The following PGGHG variants were observed in gnomAD, a reference collection of about 807,000 sequenced individuals.
PGGHG encodes ATH1, acid trehalase-like 1.
In PGGHG, 67 loss-of-function variants were observed where a neutral mutation model predicts 74.5. The observed-to-expected ratio is 0.90, with a 90% CI of 0.74 to 1.10. The LOEUF (loss-of-function observed/expected upper bound fraction) is 1.10, where lower values mean the gene tolerates loss of function less well. PGGHG is among the 50% of genes least tolerant of loss of function. The pLI is 0.00. For missense variants in PGGHG, 1,034 were observed against 981.5 expected (o/e 1.05, Z -0.72); for synonymous variants, 496 against 419.9 (o/e 1.18, Z -2.21).
chr11:293,933 TG>T lies in PGGHG; in HGVS notation c.1710+10del, dbSNP rs1564842464. 6.2e-7 allele frequency: 1 copy of T among 1,608,364 alleles called. No homozygotes were observed. The highest frequency in any genetic ancestry group is 1.1e-5 in the South Asian group (1 of 90,578). ...ATGGCTGAACCCTTCAAGGTCAGCCTGGCCACACCTGCCTCCCACTGGGCCC... is the reference window on the plus strand; with the variant it reads ...ATGGCTGAACCCTTCAAGGTCAGCCTGCCACACCTGCCTCCCACTGGGCCC... On this transcript the variant is annotated intron_variant, in intron 11 of 13. Transcript: ENST00000409548.
In PGGHG at chr11:293,661, T is replaced by A; in HGVS notation, c.1548T>A (p.Asp516Glu). The part of the protein sequence containing the change: ...GYPVPFSLSP[D>E]VRRKNLEIYE... ...CAGTCCCCTTCTCCCTGAGTCCTGA[T>A]GTTCGCAGGAAAAATCTGGAGATTT... Residue 516 changes from aspartate to glutamate, a missense_variant, in exon 10 of 14, where the codon GAT (aspartate) becomes GAA (glutamate). Physicochemically the swap from Asp to Glu is conservative, Grantham distance 45. Transcript: ENST00000409548. 6.2e-7 allele frequency: 1 copy of A among 1,613,402 alleles called. No homozygotes were observed. The highest frequency in any genetic ancestry group is 8.5e-7 in the Non-Finnish European group (1 of 1,179,964).
intron 7 of PGGHG, 44 bp downstream of exon 7, chr11:293,041 C>G (rs780628796): frequency 6.2e-7 from 1 of 1,613,822 alleles, no homozygotes; most frequent in South Asian, 1.1e-5. Context: ...AGGGTGGATG[C>G]TCCCAGACTC....
Position 294,151 on chromosome 11 carries a change from T to C in PGGHG, c.1763T>C (p.Met588Thr). Reference sequence around the variant, plus strand: ...GGCGCTGTGAACTTCCTGACAGGCATGGGGGGCTTCCTGCAGGCGGTGGTC... The same window carrying C: ...GGCGCTGTGAACTTCCTGACAGGCACGGGGGGCTTCCTGCAGGCGGTGGTC... The part of the protein sequence containing the change: ...GSGAVNFLTG[M>T]GGFLQAVVFG... The change falls in exon 12 of 14, where the codon ATG (methionine) becomes ACG (threonine). Residue 588 changes from methionine to threonine, a missense_variant. Physicochemically the swap from Met to Thr is moderately conservative, Grantham distance 81 (BLOSUM62 -1). Transcript: ENST00000409548. 1 of 1,612,760 alleles carries C rather than the reference T, an allele frequency of 6.2e-7. No individual in the cohort carries two copies. Among genetic ancestry groups the C allele is most frequent in the Non-Finnish European group, 8.5e-7 (1 of 1,179,454 alleles).
chr11:290,684 G>A lies in PGGHG; in HGVS notation c.477G>A (p.Leu159=), dbSNP rs779611436. ...QGPDFQGARY[L]YGHTLTPEQP... ...CATGGCCACGCTCTCACAGGTACCT[G>A]TATGGCCACACCCTCACCCCTGAGC... Residue 159 remains leucine, a synonymous_variant, in exon 4 of 14, where the codon CTG becomes CTA. Coordinates refer to ENST00000409548, the MANE Select transcript of PGGHG (RefSeq NM_025092.5). The A allele has an allele frequency of 5.6e-6, 9 of 1,606,888 alleles. No homozygotes were observed. In the Admixed American group the frequency reaches 1.2e-4, roughly 21 times the overall value.
chr11:292,260 G>A (rs1000922085), intron 5 of PGGHG, among the ~76,000 whole-genome samples, 165 bp downstream of exon 5: 2 of 151,864 alleles, frequency 1.3e-5, no homozygotes, highest in Admixed American at 6.6e-5. Context: ...CCTGCAGCCC[G>A]CACCTGAGAG....
rs534848818 is a variant in PGGHG, at chr11:290,457, G to A, written c.327G>A (p.Thr109=). ...CCCAGTGCATCTATGCGCATCGCACGCTGCCCCACGTGCTGGCTTTCCGAG... is the reference window on the plus strand; with the variant it reads ...CCCAGTGCATCTATGCGCATCGCACACTGCCCCACGTGCTGGCTTTCCGAG... The part of the protein sequence containing the change: ...RASQCIYAHR[T]LPHVLAFRVS... The change falls in exon 3 of 14, where the codon ACG becomes ACA. Residue 109 remains threonine (T), a synonymous_variant. Coordinates refer to ENST00000409548, the MANE Select transcript of PGGHG (RefSeq NM_025092.5). 173 of 1,549,632 alleles carry A rather than the reference G, an allele frequency of 1.1e-4. 2 individuals are homozygous for A. Among genetic ancestry groups the A allele is most frequent in the South Asian group, 9.0e-4 (76 of 84,042 alleles).
rs938748559 is a variant in PGGHG at position 294,963 on chromosome 11, A to C, written c.*214A>C. The C allele has an allele frequency of 2.2e-5, 12 of 536,088 alleles. No homozygotes were observed. The highest frequency in any genetic ancestry group is 3.5e-5 in the Non-Finnish European group (11 of 310,712). 33.2% of individuals were successfully genotyped at this position (536,088 alleles called of 1,614,324 possible). ...CAGGTGGCTTCCCCGTGGCATCTCC[A>C]CACCGCCTCTGCCTGCCCCTGTGGA... On this transcript the variant is annotated 3_prime_UTR_variant, in exon 14 of 14. Transcript: ENST00000409548.
rs570813766 is a variant in PGGHG at position 294,378 on chromosome 11, G to C, written c.1920G>C (p.Glu640Asp). Residue 640 changes from glutamate to aspartate, a missense_variant, in exon 13 of 14, where the codon GAG (glutamate) becomes GAC (aspartate). Coordinates refer to ENST00000409548, the MANE Select transcript of PGGHG (RefSeq NM_025092.5). Reference sequence around the variant, plus strand: ...ACAAGCTCAACTTCTCTTTTTCCGAGGACTCCGTGACCGTGGAGGTCACAG... The same window carrying C: ...ACAAGCTCAACTTCTCTTTTTCCGACGACTCCGTGACCGTGGAGGTCACAG... ...QGNKLNFSFS[E>D]DSVTVEVTAR... The C allele has an allele frequency of 1.1e-4, 176 of 1,613,054 alleles. 3 individuals are homozygous for C. The South Asian group carries it at 1.9e-3, about 17-fold the overall frequency.
Position 294,254 on chromosome 11 carries a change from T to C in PGGHG, c.1809-13T>C. 1 of 1,597,038 alleles carries C rather than the reference T, an allele frequency of 6.3e-7. No individual in the cohort carries two copies. The highest frequency in any genetic ancestry group is 1.1e-5 in the South Asian group (1 of 88,696). On this transcript the variant is annotated splice_polypyrimidine_tract_variant and intron_variant, in intron 12 of 13. Coordinates refer to ENST00000409548, the MANE Select transcript of PGGHG (RefSeq NM_025092.5). ...GCCCCCACCTGCCACCTCACAAGCC[T>C]CTCCTCCCACAGGGTCACCCGAGCG... is the stretch of plus-strand genomic sequence containing the variant.
Position 289,745 on chromosome 11 carries a change from G to A in PGGHG, c.-13-59G>A. 1 of 1,491,358 alleles carries A rather than the reference G, an allele frequency of 6.7e-7. No homozygotes were observed. Among genetic ancestry groups the A allele is most frequent in the Non-Finnish European group, 8.9e-7 (1 of 1,117,388 alleles). The allele number at this position is 1,491,358 out of a possible 1,614,324, so 92.4% of individuals were successfully genotyped here. On this transcript the variant is annotated intron_variant, in intron 1 of 13. Coordinates refer to ENST00000409548, the MANE Select transcript of PGGHG (RefSeq NM_025092.5). This position sits in a 1 kb window ranked among gnomAD's most constrained non-coding sequence, Gnocchi z 5.6. ...GGGAGGCTTCAGGGGATTACAGACGGTCTCAAGAGGGAGGCCCAGCCAGTC... is the reference window on the plus strand; with the variant it reads ...GGGAGGCTTCAGGGGATTACAGACGATCTCAAGAGGGAGGCCCAGCCAGTC...
intron 11 of PGGHG, 35 bp from the exon 12 acceptor site, chr11:294,063 TG>T: frequency 6.3e-7 from 1 of 1,585,242 alleles, no homozygotes; most frequent in Non-Finnish European, 8.6e-7. Flanking sequence ...GACGGTGACC[TG>T]GGGGTCCTGG....
Position 289,720 on chromosome 11 carries a change from G to A in PGGHG, c.-13-84G>A. On this transcript the variant is annotated intron_variant, in intron 1 of 13. Coordinates refer to ENST00000409548, the MANE Select transcript of PGGHG (RefSeq NM_025092.5). This position sits in a 1 kb window ranked among gnomAD's most constrained non-coding sequence, Gnocchi z 5.6. ...GTTCCGCAACTCCCCCCAGTTCTGA[G>A]GGAGGCTTCAGGGGATTACAGACGG... 7.0e-7 allele frequency: 1 copy of A among 1,435,970 alleles called. No individual in the cohort carries two copies. Among genetic ancestry groups the A allele is most frequent in the Non-Finnish European group, 9.2e-7 (1 of 1,086,984 alleles). The allele number at this position is 1,435,970 out of a possible 1,614,324, so 89.0% of individuals were successfully genotyped here. A position where few individuals can be genotyped will look rare whatever the true frequency, so the allele number is the denominator to read the frequency against.
chr11:292,431 C>G, intron 5 of PGGHG, 115 bp from the exon 6 acceptor site: 1 of 1,374,464 alleles, frequency 7.3e-7, no homozygotes, highest in African/African-American at 1.4e-5. Context: ...GTAGCACCCG[C>G]CAGGGTACCT....
chr11:293,872 C>T lies in PGGHG; in HGVS notation c.1657C>T (p.Arg553Trp), dbSNP rs148522116. The change falls in exon 11 of 14, where the codon CGG becomes TGG. Residue 553 changes from arginine (R) to tryptophan (W), a missense_variant. Coordinates refer to ENST00000409548, the MANE Select transcript of PGGHG (RefSeq NM_025092.5). Reference protein sequence around the residue: ...VGWMELKDAVRARGLLDRSFA... With the variant: ...VGWMELKDAVWARGLLDRSFA... ...CTGGATGGAGCTGAAGGACGCAGTGCGGGCCCGGGGCCTCCTGGACAGGAG... is the reference window on the plus strand; with the variant it reads ...CTGGATGGAGCTGAAGGACGCAGTGTGGGCCCGGGGCCTCCTGGACAGGAG... 49 of 1,613,622 alleles carry T rather than the reference C, an allele frequency of 3.0e-5. No individual in the cohort carries two copies. In the African/African-American group the frequency reaches 3.7e-4, roughly 12 times the overall value.
chr11:295,042 G>A lies in PGGHG; in HGVS notation c.*293G>A. On this transcript the variant is annotated 3_prime_UTR_variant, in exon 14 of 14. Coordinates refer to ENST00000409548, the MANE Select transcript of PGGHG (RefSeq NM_025092.5). ...CCCACCCCGAGCTCCTGAAGCCGGG[G>A]TCTGAGCCTGCATCACCTCTGGCCT... is the stretch of plus-strand genomic sequence containing the variant. 3.3e-6 allele frequency: 1 copy of A among 298,936 alleles called. No individual in the cohort carries two copies. The highest frequency in any genetic ancestry group is 6.2e-6 in the Non-Finnish European group (1 of 161,882). The allele number at this position is 298,936 out of a possible 1,614,324, so 18.5% of individuals were successfully genotyped here.
chr11:292,968 G>A lies in PGGHG; in HGVS notation c.1241G>A (p.Ser414Asn), dbSNP rs967541951. 3.1e-6 allele frequency: 5 copies of A among 1,613,488 alleles called. No individual in the cohort carries two copies. Among genetic ancestry groups the A allele is most frequent in the East Asian group, 4.5e-5 (2 of 44,890 alleles). The change falls in exon 7 of 14, where the codon AGC becomes AAC. Residue 414 changes from serine (S) to asparagine (N), a missense_variant. Physicochemically the swap from Ser to Asn is conservative, Grantham distance 46. Transcript: ENST00000409548. ...TTTTGGTGCAGTCGTGTTGAGTGGA[G>A]CCCCAGGGAGGAAAAGTACCACCTG... ...AEFWCSRVEW[S>N]PREEKYHLRG... is the part of the protein sequence containing the mutation.
rs1038975078 is a variant in PGGHG at position 294,908 on chromosome 11, G to A, written c.*159G>A. On this transcript the variant is annotated 3_prime_UTR_variant, in exon 14 of 14. Transcript: ENST00000409548. ...GGCCTGAGTTCAAGGCTTTCTGCCT[G>A]TAGCCTGGACTCCCGTGGACCCCCG... is the stretch of plus-strand genomic sequence containing the variant. 10 of 910,606 alleles carry A rather than the reference G, an allele frequency of 1.1e-5. No individual in the cohort carries two copies. The highest frequency in any genetic ancestry group is 1.6e-5 in the Non-Finnish European group (10 of 631,700). The allele number at this position is 910,606 out of a possible 1,614,324, so 56.4% of individuals were successfully genotyped here. A position where few individuals can be genotyped will look rare whatever the true frequency, so the allele number is the denominator to read the frequency against.
intron 4 of PGGHG, chr11:291,700 A>G (rs1263608539): frequency 5.3e-6 from 2 of 377,554 alleles, no homozygotes; most frequent in Non-Finnish European, 9.7e-6. Flanking sequence ...TGCCAGCCTG[A>G]AGCTGCCCAT....
At chr11:290,116 G>C in intron 2 of PGGHG, 41 bp downstream of exon 2, 1 of 1,487,192 alleles carries the variant, frequency 6.7e-7, no homozygotes, top group Non-Finnish European at 8.9e-7. Context: ...CCCAGGCATT[G>C]TTCCAGGTCG....
Sources: allele counts gnomAD v4.1 joint callset (sites outside exome capture counted in the v4.1 genomes callset), GRCh38; gene constraint gnomAD v4.1.1; non-coding constraint Gnocchi (gnomAD v3.1); transcripts MANE v1.5; gene names NCBI Gene and HGNC (gene_info 2026-07-23, HGNC 2026-07-21).